SLC9A3: variants seen among roughly 807,000 people sequenced by gnomAD.
SLC9A3 encodes solute carrier family 9 member A3.
Under a neutral mutation model 86.8 loss-of-function variants are expected in SLC9A3, and 37 were observed. That is an observed-to-expected ratio of 0.43 (90% CI 0.33 to 0.56). The LOEUF (loss-of-function observed/expected upper bound fraction) is 0.56. Among genes scored for constraint, SLC9A3 ranks in the 20% least tolerant of loss-of-function variants. SLC9A3 has a pLI of 0.06. For missense variants in SLC9A3, 1,011 were observed against 1,171.9 expected, an observed-to-expected ratio of 0.86 and a Z score of 2.00; for synonymous variants, 581 against 528.3, an observed-to-expected ratio of 1.10 and a Z score of -1.37.
intron 1 of SLC9A3, among the ~76,000 whole-genome samples, chr5:519,554 TCACA>T (rs1733823683): frequency 1.3e-5 from 2 of 152,152 alleles, no homozygotes; most frequent in Admixed American, 1.3e-4. Flanking sequence ...CTAGGCAGTG[TCACA>T]CCCCCAGTGG....
In SLC9A3 at chr5:472,797, G is replaced by A. The variant is rs753790281; in HGVS notation, c.*582C>T. ...GAGTCCTGGCGCTCGGGAGGTCCCT[G>A]AGTCGGTCCCCGAGTCAGTCCCCGG... On this transcript the variant is annotated 3_prime_UTR_variant, in exon 17 of 17. Transcript: ENST00000264938. The A allele has an allele frequency of 1.0e-5, 6 of 578,998 alleles. No homozygotes were observed. Among genetic ancestry groups the A allele is most frequent in the South Asian group, 7.6e-5 (5 of 65,538 alleles). The allele number at this position is 578,998 out of a possible 1,614,324, so 35.9% of individuals were successfully genotyped here.
At chr5:475,528 C>G in intron 15 of SLC9A3, 33 bp downstream of exon 15, 1 of 1,345,364 alleles carries the variant, frequency 7.4e-7, no homozygotes, top group Non-Finnish European at 1.0e-6. Context: ...AGCCACCCCT[C>G]CCTTAGCCAC....
intron 10 of SLC9A3, chr5:479,492 G>GGGGC (rs1335933651): frequency 3.7e-6 from 1 of 269,212 alleles, no homozygotes; most frequent in Non-Finnish European, 7.3e-6. Context: ...TGCGTGTGCT[G>GGGGC]GGGCAGGCAG....
intron 1 of SLC9A3, among the ~76,000 whole-genome samples, chr5:506,135 C>T (rs995616696): frequency 1.3e-5 from 2 of 152,084 alleles, no homozygotes; most frequent in African/African-American, 2.4e-5. Context: ...TGCCTGCTCA[C>T]GTGGCCACAG....
chr5:504,067 A>G (rs1422546099), intron 1 of SLC9A3, among the ~76,000 whole-genome samples: 1 of 152,172 alleles, frequency 6.6e-6, no homozygotes, highest in Non-Finnish European at 1.5e-5. Flanking sequence ...GTCTTCATCA[A>G]TCACGGAAGT....
Position 479,829 on chromosome 5 carries a change from C to T in SLC9A3, c.1647+7G>A. The T allele has an allele frequency of 6.2e-7, 1 of 1,613,040 alleles. No individual in the cohort carries two copies. Among genetic ancestry groups the T allele is most frequent in the Non-Finnish European group, 8.5e-7 (1 of 1,179,928 alleles). ...CCCCGACCCGGCAGAGCAAGCGGCT[C>T]TGCTACCTCAGCCACGTAGCTGATG... On this transcript the variant is annotated splice_region_variant and intron_variant, in intron 10 of 16. Coordinates refer to ENST00000264938, the MANE Select transcript of SLC9A3 (RefSeq NM_004174.4).
intron 6 of SLC9A3, 136 bp downstream of exon 6, chr5:483,126 C>T: frequency 1.4e-6 from 1 of 709,406 alleles, no homozygotes; most frequent in East Asian, 2.7e-5. Flanking sequence ...CCCGAGGCCG[C>T]CACCATCAGG....
chr5:494,539 G>A (rs1042390929), intron 1 of SLC9A3, among the ~76,000 whole-genome samples: 1 of 152,198 alleles, frequency 6.6e-6, no homozygotes, highest in African/African-American at 2.4e-5. Context: ...AAGGCCTGGG[G>A]CAGGTGTTCC....
At chr5:488,904 G>C (rs1275345501) in intron 2 of SLC9A3, among the ~76,000 whole-genome samples, 3 of 152,186 alleles carry the variant, frequency 2.0e-5, no homozygotes, top group South Asian at 2.1e-4. Flanking sequence ...GGAGGGGCAG[G>C]TGGGAGGGCC....
At chr5:475,177 G>A in intron 15 of SLC9A3, 45 bp from the exon 16 acceptor site, 2 of 1,523,920 alleles carry the variant, frequency 1.3e-6, no homozygotes, top group South Asian at 1.3e-5. Flanking sequence ...AGAGCCCCAC[G>A]GCGGCAGGGG....
chr5:475,480 C>T, intron 15 of SLC9A3, 81 bp downstream of exon 15: 1 of 850,964 alleles, frequency 1.2e-6, no homozygotes. Context: ...TCCCAGTGCC[C>T]CTGGTCCAAT....
chr5:484,357 C>T (rs1314841776), intron 5 of SLC9A3, among the ~76,000 whole-genome samples, 163 bp downstream of exon 5: 1 of 27,826 alleles, frequency 3.6e-5, no homozygotes, highest in East Asian at 1.3e-3. Flanking sequence ...TGGAGAAGCT[C>T]GGGTTGGGGT....
rs556861051 is a variant in SLC9A3 at position 524,282 on chromosome 5, A to G, written c.41T>C (p.Leu14Pro). 1,248 of 1,331,750 alleles carry G rather than the reference A, an allele frequency of 9.4e-4. 16 individuals carry two copies. In the African/African-American group the frequency reaches 0.018, roughly 19 times the overall value. 82.5% of individuals were successfully genotyped at this position (1,331,750 alleles called of 1,614,324 possible). The change falls in exon 1 of 17, where the codon CTG (leucine) becomes CCG (proline). Residue 14 changes from leucine to proline, a missense_variant. Transcript: ENST00000264938. ...CAGCCCGCCCAGCGCCAGCGCCAGC[A>G]GCAGCCCCCGGTCGGGGCCCCGGGC... ...LGARGPDRGL[L>P]LALALGGLAR...
intron 1 of SLC9A3, among the ~76,000 whole-genome samples, chr5:504,950 C>T (rs907725012): frequency 4.6e-5 from 7 of 151,904 alleles, no homozygotes; most frequent in Admixed American, 4.6e-4. Context: ...ACAGTGGCCA[C>T]GTGGGCGCCA....
intron 1 of SLC9A3, among the ~76,000 whole-genome samples, chr5:494,496 T>G (rs1483161884): frequency 5.3e-5 from 8 of 152,212 alleles, no homozygotes; most frequent in African/African-American, 1.9e-4. Flanking sequence ...CCGAGGCCTT[T>G]GGGAGTCCTG....
At chr5:486,379 G>T (rs1739473650) in intron 3 of SLC9A3, among the ~76,000 whole-genome samples, 1 of 152,224 alleles carries the variant, frequency 6.6e-6, no homozygotes, top group Non-Finnish European at 1.5e-5. Flanking sequence ...GGGAGGCAGT[G>T]GCCCCATTTG....
intron 14 of SLC9A3, 94 bp downstream of exon 14, chr5:475,925 GA>G: frequency 9.0e-7 from 1 of 1,117,066 alleles, no homozygotes; most frequent in South Asian, 1.6e-5. Context: ...CCCCAGAGGG[GA>G]AGGTCCTGAG....
rs1326536861 is a variant in SLC9A3 at position 497,322 on chromosome 5, G to T, written c.212-5251C>A. 1.3e-5 allele frequency among the ~76,000 whole-genome samples: 2 copies of T among 152,046 alleles called. No homozygotes were observed. Among genetic ancestry groups the T allele is most frequent in the Non-Finnish European group, 2.9e-5 (2 of 68,004 alleles). On this transcript the variant is annotated intron_variant, in intron 1 of 16. Coordinates refer to ENST00000264938, the MANE Select transcript of SLC9A3 (RefSeq NM_004174.4). The surrounding 1 kb of genome is among the most constrained non-coding windows in gnomAD (Gnocchi z 5.4). ...ATTCCCTCCAGGTGCAGGAGTCGAC[G>T]CCCCCCACTGCCCTCGAAACCTGGT... is the stretch of plus-strand genomic sequence containing the variant.
chr5:507,440 A>AT, intron 1 of SLC9A3, among the ~76,000 whole-genome samples: 1 of 150,934 alleles, frequency 6.6e-6, no homozygotes, highest in South Asian at 2.1e-4. Context: ...TAATTTTACT[A>AT]TTTTTTGTAG....
Sources: gnomAD v4.1 joint callset for allele counts (sites outside exome capture counted in the v4.1 genomes callset) on GRCh38, gnomAD v4.1.1 for gene constraint, Gnocchi (gnomAD v3.1) non-coding constraint, MANE v1.5 for transcripts, NCBI Gene and HGNC (gene_info 2026-07-23, HGNC 2026-07-21) for gene names.